The following ABCA1 variants were observed in gnomAD, a reference collection of about 807,000 sequenced individuals.
ABCA1 encodes the protein phospholipid-transporting ATPase ABCA1.
ABCA1 carries 133 observed loss-of-function variants against 262.5 expected under a neutral mutation model. The ratio of observed to expected loss-of-function variants is 0.51; its 90% confidence interval spans 0.44 to 0.59. The LOEUF (loss-of-function observed/expected upper bound fraction) is 0.59. Among genes scored for constraint, ABCA1 ranks in the 20% least tolerant of loss-of-function variants. The pLI is 0.00. For missense variants in ABCA1, 2,452 were observed against 2,777.5 expected (o/e 0.88, Z 2.63); for synonymous variants, 1,022 against 1,043.5 (o/e 0.98, Z 0.40).
intron 6 of ABCA1, among the ~76,000 whole-genome samples, chr9:104,859,447 C>T (rs571298908): frequency 7.6e-5 from 11 of 144,566 alleles, no homozygotes; most frequent in Non-Finnish European, 1.2e-4. Context: ...ATCCACAGTG[C>T]TGAAACATTA....
At chr9:104,918,114 T>C (rs898494431) in intron 1 of ABCA1, among the ~76,000 whole-genome samples, 1 of 151,934 alleles carries the variant, frequency 6.6e-6, no homozygotes, top group Non-Finnish European at 1.5e-5. Flanking sequence ...AACTAGCCCA[T>C]GCTGTGTTCC....
chr9:104,840,220 G>A (rs2119034285), intron 9 of ABCA1, 59 bp downstream of exon 9: 3 of 1,612,862 alleles, frequency 1.9e-6, no homozygotes, highest in Non-Finnish European at 2.5e-6. Context: ...ACAGGCCAAG[G>A]CCAGAACTAA....
chr9:104,830,275 T>G (rs1286689551), intron 14 of ABCA1, among the ~76,000 whole-genome samples: 1 of 152,248 alleles, frequency 6.6e-6, no homozygotes, highest in Non-Finnish European at 1.5e-5. Context: ...AAACTGTGCT[T>G]TTATAAGTTT....
chr9:104,925,193 A>G (rs572957999), intron 1 of ABCA1, among the ~76,000 whole-genome samples: 3 of 152,308 alleles, frequency 2.0e-5, no homozygotes, highest in African/African-American at 7.2e-5. Context: ...CCTGGCCAAC[A>G]TGGTGAAACT....
chr9:104,897,415 T>C (rs1331080118), intron 2 of ABCA1, among the ~76,000 whole-genome samples: 1 of 152,124 alleles, frequency 6.6e-6, no homozygotes, highest in Non-Finnish European at 1.5e-5. Context: ...ACAAAAATAA[T>C]AAAAGATTAA....
Position 104,858,535 on chromosome 9 carries a change from A to T in ABCA1, c.707T>A (p.Leu236Gln). The change falls in exon 7 of 50, where the codon CTG becomes CAG. Residue 236 changes from leucine (L) to glutamine (Q), a missense_variant. By Grantham distance (113) the Leu-to-Gln change is moderately radical. Coordinates refer to ENST00000374736, the MANE Select transcript of ABCA1 (RefSeq NM_005502.4). ...AAGTCTACTCACCAGGATTGGCTTC[A>T]GGATGTCCATGTTGGAACGAAGTAC... is the stretch of plus-strand genomic sequence containing the variant. ...ERVLRSNMDI[L>Q]KPILRTLNST... 1 of 1,613,942 alleles carries T rather than the reference A, an allele frequency of 6.2e-7. No homozygotes were observed. Among genetic ancestry groups the T allele is most frequent in the Admixed American group, 1.7e-5 (1 of 60,026 alleles).
chr9:104,908,410 T>C (rs1400977049), intron 1 of ABCA1, among the ~76,000 whole-genome samples: 1 of 152,236 alleles, frequency 6.6e-6, no homozygotes, highest in Non-Finnish European at 1.5e-5. Flanking sequence ...CTCATGCCTG[T>C]AATCCTAGCA....
At chr9:104,915,641 T>C (rs1375790450) in intron 1 of ABCA1, among the ~76,000 whole-genome samples, 1 of 152,174 alleles carries the variant, frequency 6.6e-6, no homozygotes, top group Non-Finnish European at 1.5e-5. Context: ...AAAAAACTAC[T>C]GTTATTAAGA....
Position 104,785,587 on chromosome 9 carries a change from G to T in ABCA1, c.6454C>A (p.Leu2152Met). The T allele has an allele frequency of 6.2e-7, 1 of 1,614,162 alleles. No homozygotes were observed. The change falls in exon 49 of 50, where the codon CTG (leucine) becomes ATG (methionine). Residue 2152 changes from leucine (L) to methionine (M), a missense_variant. By Grantham distance (15) the Leu-to-Met change is conservative. Coordinates refer to ENST00000374736, the MANE Select transcript of ABCA1 (RefSeq NM_005502.4). The part of the protein sequence containing the change: ...VVRIAGSNPD[L>M]KPVQDFFGLA... ...CCAAAGAAATCCTGGACAGGCTTCA[G>T]GTCCGGGTTGGACCCTGCTATTCGT...
At chr9:104,858,784 C>T in intron 6 of ABCA1, 86 bp from the exon 7 acceptor site, 2 of 1,304,420 alleles carry the variant, frequency 1.5e-6, no homozygotes, top group Non-Finnish European at 2.2e-6. Flanking sequence ...TGGAGAACTT[C>T]ATATCAATAC....
intron 2 of ABCA1, among the ~76,000 whole-genome samples, chr9:104,893,490 A>G (rs1033916115): frequency 1.3e-5 from 2 of 151,378 alleles, no homozygotes; most frequent in Non-Finnish European, 2.9e-5. Context: ...GAAAAAAATG[A>G]AGCTAAACAA....
Position 104,798,614 on chromosome 9 carries a change from G to A in ABCA1, c.4944-16C>T, listed in dbSNP as rs201167578. 4.3e-5 allele frequency: 70 copies of A among 1,612,458 alleles called. 1 individual carries two copies. The Middle Eastern group carries it at 1.2e-3, about 27-fold the overall frequency. ...TGTGGTCATCCTGGAGAGAAAAAGC[G>A]TGTGAAAATCTGAGGGGTCTTTGAT... On this transcript the variant is annotated splice_polypyrimidine_tract_variant and intron_variant, in intron 36 of 49. Transcript: ENST00000374736.
At position 104,862,684 on chromosome 9, in the gene ABCA1, C is replaced by CGGGCAGGGCCGGGCAGGGCAGGGCA. The variant is rs1298786032; in HGVS notation, c.422-885_422-884insTGCCCTGCCCTGCCCGGCCCTGCCC. Reference sequence around the variant, plus strand: ...CGGGCCGGGCCGGGCCGGGCCGGGCCGGGCCGGGCCGGGCCGGCCCCCACC... The same window carrying CGGGCAGGGCCGGGCAGGGCAGGGCA: ...CGGGCCGGGCCGGGCCGGGCCGGGCCGGGCAGGGCCGGGCAGGGCAGGGCAGGGCCGGGCCGGGCCGGCCCCCACC... On this transcript the variant is annotated intron_variant, in intron 5 of 49. Coordinates refer to ENST00000374736, the MANE Select transcript of ABCA1 (RefSeq NM_005502.4). Among the ~76,000 whole-genome samples, 13 of 8,846 alleles carry CGGGCAGGGCCGGGCAGGGCAGGGCA rather than the reference C, an allele frequency of 1.5e-3. 4 individuals carry two copies. Among genetic ancestry groups the CGGGCAGGGCCGGGCAGGGCAGGGCA allele is most frequent in the African/African-American group, 6.1e-3 (13 of 2,142 alleles). 5.8% of individuals were successfully genotyped at this position (8,846 alleles called of 152,430 possible).
At position 104,820,044 on chromosome 9, in the gene ABCA1, A is replaced by C; in HGVS notation, c.2986T>G (p.Phe996Val). 1 of 1,614,034 alleles carries C rather than the reference A, an allele frequency of 6.2e-7. No homozygotes were observed. The highest frequency in any genetic ancestry group is 8.5e-7 in the Non-Finnish European group (1 of 1,180,024). ...GAGAGCCCTTTCAAGCGGGCATAGA[A>C]CCAGATGTGTTCTTCGACAGTCAGC... ...DMLTVEEHIW[F>V]YARLKGLSEK... The change falls in exon 21 of 50, where the codon TTC (phenylalanine) becomes GTC (valine). Residue 996 changes from phenylalanine (F) to valine (V), a missense_variant. Around this residue, in one of 4 missense-constraint regions of ABCA1, gnomAD observed 665 missense variants for 727.3 expected, o/e 0.91. Coordinates refer to ENST00000374736, the MANE Select transcript of ABCA1 (RefSeq NM_005502.4).
chr9:104,820,073 G>A lies in ABCA1; in HGVS notation c.2961-4C>T. On this transcript the variant is annotated splice_region_variant and splice_polypyrimidine_tract_variant and intron_variant, in intron 20 of 49. Transcript: ENST00000374736. Reference sequence around the variant, plus strand: ...GATGTGTTCTTCGACAGTCAGCCTGGGGACAGGGAGGCAGGTCAGCTCTGG... The same window carrying A: ...GATGTGTTCTTCGACAGTCAGCCTGAGGACAGGGAGGCAGGTCAGCTCTGG... 6.2e-7 allele frequency: 1 copy of A among 1,614,142 alleles called. No homozygotes were observed.
At chr9:104,801,594 T>A (rs1413834927) in intron 34 of ABCA1, among the ~76,000 whole-genome samples, 1 of 151,924 alleles carries the variant, frequency 6.6e-6, no homozygotes, top group Non-Finnish European at 1.5e-5. Context: ...CAGGCTGGAG[T>A]GCAACGGTGC....
In ABCA1 at chr9:104,791,046, A is replaced by G. The variant is rs775510158; in HGVS notation, c.5821-18T>C. 1.3e-6 allele frequency: 2 copies of G among 1,579,312 alleles called. No individual in the cohort carries two copies. The highest frequency in any genetic ancestry group is 1.7e-6 in the Non-Finnish European group (2 of 1,148,576). ...CCAAAGCACTGAAAAGGAAAGATTA[A>G]GTTGTATAAGCAAACTCTAAAAACA... On this transcript the variant is annotated intron_variant, in intron 43 of 49. Transcript: ENST00000374736.
chr9:104,845,221 A>AAAAAAG (rs1834756694), intron 8 of ABCA1, among the ~76,000 whole-genome samples: 1 of 152,200 alleles, frequency 6.6e-6, no homozygotes, highest in Non-Finnish European at 1.5e-5. Context: ...CAAAAAGAAA[A>AAAAAAG]AATGGAGAAG....
chr9:104,879,500 A>C (rs1395355543), intron 5 of ABCA1, among the ~76,000 whole-genome samples: 1 of 152,250 alleles, frequency 6.6e-6, no homozygotes, highest in Non-Finnish European at 1.5e-5. Context: ...AGTATCAGAT[A>C]TAATACATGG....
Sources: allele counts gnomAD v4.1 joint callset (sites outside exome capture counted in the v4.1 genomes callset), GRCh38; gene constraint gnomAD v4.1.1; regional missense constraint gnomAD v4.1.1; transcripts MANE v1.5; gene names NCBI Gene and HGNC (gene_info 2026-07-23, HGNC 2026-07-21).